The following KIZ variants were observed in gnomAD, a reference collection of about 807,000 sequenced individuals.
KIZ encodes kizuna centrosomal protein.
A neutral mutation model predicts 79.6 loss-of-function variants in KIZ; 68 were observed. That is an observed-to-expected ratio of 0.85 (90% CI 0.70 to 1.05). The LOEUF is 1.05. Ranked by LOEUF, KIZ falls within the 50% of genes least tolerant of loss-of-function variation. The probability of loss-of-function intolerance (pLI) is 0.00; values close to 1 mark genes in which losing one functional copy is unlikely to be tolerated. For synonymous variants in KIZ, 280 were observed against 281.8 expected (o/e 0.99, Z 0.06); for missense variants, 797 against 800.4 (o/e 1.00, Z 0.05).
chr20:21,222,940 C>A (rs2036547110), intron 9 of KIZ, among the ~76,000 whole-genome samples: 1 of 152,170 alleles, frequency 6.6e-6, no homozygotes, highest in African/African-American at 2.4e-5. Flanking sequence ...CAACATTATT[C>A]AACCAACTAC....
chr20:21,171,704 C>G (rs1441767210), intron 6 of KIZ, among the ~76,000 whole-genome samples: 2 of 152,196 alleles, frequency 1.3e-5, no homozygotes, highest in African/African-American at 4.8e-5. Context: ...CTTGGCCTCC[C>G]AAAGTGCTGG....
intron 11 of KIZ, among the ~76,000 whole-genome samples, chr20:21,235,252 G>A (rs2036967827): frequency 6.6e-6 from 1 of 152,156 alleles, no homozygotes; most frequent in African/African-American, 2.4e-5. Context: ...GGGTTCGGGT[G>A]CTTTCATATT....
Position 21,185,125 on chromosome 20 carries a change from AT to A in KIZ, c.1353-20365del, listed in dbSNP as rs2034820809. 3.3e-5 allele frequency among the ~76,000 whole-genome samples: 5 copies of A among 151,734 alleles called. No homozygotes were observed. The South Asian group carries it at 1.0e-3, about 31-fold the overall frequency. On this transcript the variant is annotated intron_variant, in intron 6 of 12. Coordinates refer to ENST00000619189, the MANE Select transcript of KIZ (RefSeq NM_018474.6). ...ACGTGCACGTGCTTTCTGTACTTTT[AT>A]ACTGAATCTATTTTGAATTTGGGTT...
At chr20:21,126,375 C>A (rs1793085944) in intron 1 of KIZ, among the ~76,000 whole-genome samples, 171 bp downstream of exon 1, 1 of 152,070 alleles carries the variant, frequency 6.6e-6, no homozygotes, top group South Asian at 2.1e-4. Context: ...ACTAGAGCCA[C>A]CCCCTGTATT....
At position 21,213,320 on chromosome 20, in the gene KIZ, C is replaced by G. The variant is rs188110375; in HGVS notation, c.1447-1215C>G. Among the ~76,000 whole-genome samples, 268 of 152,324 alleles carry G rather than the reference C, an allele frequency of 1.8e-3. 3 individuals carry two copies. The highest frequency in any genetic ancestry group is 0.013 in the South Asian group (65 of 4,830). ...CCTTCCATGCTCTGACTCTCCCTGT[C>G]GGAGTGTCTTCACCTTGTTTCATGT... On this transcript the variant is annotated intron_variant, in intron 7 of 12. Coordinates refer to ENST00000619189, the MANE Select transcript of KIZ (RefSeq NM_018474.6).
intron 6 of KIZ, among the ~76,000 whole-genome samples, chr20:21,193,558 A>G (rs1377626186): frequency 2.6e-5 from 4 of 152,118 alleles, no homozygotes; most frequent in East Asian, 3.9e-4. Context: ...ATGGACACCT[A>G]TGTTTATAGC....
chr20:21,128,601 T>C (rs2031635930), intron 1 of KIZ, among the ~76,000 whole-genome samples: 1 of 152,256 alleles, frequency 6.6e-6, no homozygotes, highest in South Asian at 2.1e-4. Context: ...CTGAATGTTT[T>C]CCTATGTGTG....
At chr20:21,154,783 A>G (rs911092265) in intron 4 of KIZ, among the ~76,000 whole-genome samples, 6 of 152,186 alleles carry the variant, frequency 3.9e-5, no homozygotes, top group African/African-American at 7.2e-5. Flanking sequence ...GAAGACACAT[A>G]ATAGTGTTCA....
At chr20:21,170,427 C>T (rs6047286) in intron 6 of KIZ, among the ~76,000 whole-genome samples, 86,194 of 148,736 alleles carry the variant, frequency 0.58, 26,534 homozygotes, top group South Asian at 0.78. Flanking sequence ...CTCTCTCTGT[C>T]GCCCAGGCTG....
In KIZ at chr20:21,187,118, A is replaced by G. The variant is rs1466463595; in HGVS notation, c.1353-18373A>G. 2.0e-5 allele frequency among the ~76,000 whole-genome samples: 3 copies of G among 152,186 alleles called. No homozygotes were observed. The East Asian group carries it at 5.8e-4, about 29-fold the overall frequency. On this transcript the variant is annotated intron_variant, in intron 6 of 12. Transcript: ENST00000619189. ...CCAAAATCAAAAAATAAAAATTAAA[A>G]AAAAACACAATTCAAAATCTGAAAA...
intron 6 of KIZ, among the ~76,000 whole-genome samples, chr20:21,173,363 A>G (rs2034297387): frequency 6.6e-6 from 1 of 152,074 alleles, no homozygotes; most frequent in Admixed American, 6.6e-5. Flanking sequence ...TGATCACTTG[A>G]GGTCAGGAGT....
At chr20:21,209,242 C>A (rs987489791) in intron 7 of KIZ, among the ~76,000 whole-genome samples, 36 of 152,242 alleles carry the variant, frequency 2.4e-4, no homozygotes, top group Middle Eastern at 3.4e-3. Context: ...GCCCACATAA[C>A]CTATTAGGCA....
chr20:21,159,403 G>C (rs2033549955), intron 4 of KIZ, among the ~76,000 whole-genome samples: 1 of 151,884 alleles, frequency 6.6e-6, no homozygotes, highest in African/African-American at 2.4e-5. Context: ...ATTCAGAGTT[G>C]CGCAGCCATA....
chr20:21,220,088 AAGT>A (rs1337926302), intron 9 of KIZ, among the ~76,000 whole-genome samples: 5 of 150,910 alleles, frequency 3.3e-5, no homozygotes, highest in Non-Finnish European at 7.4e-5. Flanking sequence ...TGTATATAAT[AAGT>A]AGTATATAAT....
intron 11 of KIZ, among the ~76,000 whole-genome samples, chr20:21,236,402 A>G (rs148638599): frequency 0.011 from 1,661 of 152,348 alleles, 12 homozygotes; most frequent in Middle Eastern, 0.044. Flanking sequence ...TTGCTCCTTT[A>G]GAAATTGTAA....
chr20:21,174,965 C>G (rs2034371558), intron 6 of KIZ, among the ~76,000 whole-genome samples: 1 of 152,200 alleles, frequency 6.6e-6, no homozygotes. Flanking sequence ...TTCAGCATTC[C>G]TTCAGATGTG....
At chr20:21,239,825 T>A (rs2037156164) in intron 11 of KIZ, among the ~76,000 whole-genome samples, 1 of 152,198 alleles carries the variant, frequency 6.6e-6, no homozygotes, top group Non-Finnish European at 1.5e-5. Context: ...GGCCCTAACT[T>A]TTTAAGTTTA....
intron 4 of KIZ, among the ~76,000 whole-genome samples, chr20:21,156,438 A>G (rs1167905414): frequency 1.3e-5 from 2 of 152,222 alleles, no homozygotes; most frequent in African/African-American, 4.8e-5. Context: ...CTGTTGCCTA[A>G]TGACTTAACA....
Position 21,176,569 on chromosome 20 carries a change from C to CA in KIZ, c.1352+13426dup, listed in dbSNP as rs35016994. 5.0e-3 allele frequency among the ~76,000 whole-genome samples: 651 copies of CA among 131,114 alleles called. 5 individuals carry two copies. The highest frequency in any genetic ancestry group is 6.0e-3 in the East Asian group (26 of 4,350). The allele number at this position is 131,114 out of a possible 152,430, so 86.0% of individuals were successfully genotyped here. A position where few individuals can be genotyped will look rare whatever the true frequency, so the allele number is the denominator to read the frequency against. ...AAAACATTACAAGGCACAAAAAAGG[C>CA]AAAAAAAAAAAAAAAATACAGTTTG... On this transcript the variant is annotated intron_variant, in intron 6 of 12. Transcript: ENST00000619189.
Sources: allele counts gnomAD v4.1 joint callset (sites outside exome capture counted in the v4.1 genomes callset), GRCh38; gene constraint gnomAD v4.1.1; transcripts MANE v1.5; gene names NCBI Gene and HGNC (gene_info 2026-07-23, HGNC 2026-07-21).